Variants in STAU2 observed in about 807,000 individuals in gnomAD.
STAU2 encodes the protein staufen double-stranded RNA binding protein 2, also known as double-stranded RNA-binding protein Staufen homolog 2.
Under a neutral mutation model 65.9 loss-of-function variants are expected in STAU2, and 20 were observed. The observed-to-expected ratio is 0.30, with a 90% CI of 0.21 to 0.44. The LOEUF (loss-of-function observed/expected upper bound fraction) is 0.44. Among genes scored for constraint, STAU2 ranks in the 20% least tolerant of loss-of-function variants. The probability of loss-of-function intolerance (pLI) is 1.00; values close to 1 mark genes in which losing one functional copy is unlikely to be tolerated. For synonymous variants in STAU2, 232 were observed against 233.9 expected (o/e 0.99, Z 0.07); for missense variants, 558 against 683.9 (o/e 0.82, Z 2.05).
chr8:73,571,686 T>A (rs1397335168), intron 12 of STAU2, among the ~76,000 whole-genome samples: 2 of 152,198 alleles, frequency 1.3e-5, no homozygotes, highest in Non-Finnish European at 2.9e-5. Context: ...ATAAAGATGT[T>A]CTTTGAAACC....
intron 6 of STAU2, among the ~76,000 whole-genome samples, chr8:73,659,384 A>G (rs960069450): frequency 6.6e-6 from 1 of 152,098 alleles, no homozygotes; most frequent in Admixed American, 6.5e-5. Flanking sequence ...CTAAAAACAC[A>G]AAATTAGCCT....
At chr8:73,682,155 C>T (rs535429617) in intron 5 of STAU2, among the ~76,000 whole-genome samples, 2 of 152,208 alleles carry the variant, frequency 1.3e-5, no homozygotes, top group South Asian at 4.1e-4. Context: ...GAACATTCTA[C>T]CCAACAACTG....
chr8:73,687,365 TA>T (rs1331976193), intron 5 of STAU2, among the ~76,000 whole-genome samples: 3 of 13,048 alleles, frequency 2.3e-4, no homozygotes, highest in East Asian at 0.021. Flanking sequence ...ATAATATAAA[TA>T]TAATTTATAA....
At chr8:73,665,529 T>G (rs150222301) in intron 6 of STAU2, among the ~76,000 whole-genome samples, 1 of 152,188 alleles carries the variant, frequency 6.6e-6, no homozygotes, top group African/African-American at 2.4e-5. Context: ...ACTGACATAT[T>G]TGTAGGTCAA....
chr8:73,603,444 G>A (rs1811784350), intron 10 of STAU2, among the ~76,000 whole-genome samples: 1 of 152,148 alleles, frequency 6.6e-6, no homozygotes, highest in Non-Finnish European at 1.5e-5. Context: ...GCTACAAAAT[G>A]TAACACAAAA....
At chr8:73,652,028 G>A (rs545925067) in intron 6 of STAU2, among the ~76,000 whole-genome samples, 3 of 152,350 alleles carry the variant, frequency 2.0e-5, no homozygotes, top group South Asian at 4.1e-4. Context: ...AAACGCAGAA[G>A]TGGGCTTGTT....
chr8:73,548,919 T>C (rs1040313111), intron 13 of STAU2, among the ~76,000 whole-genome samples: 2 of 152,186 alleles, frequency 1.3e-5, no homozygotes, highest in Admixed American at 6.5e-5. Context: ...ACCACTTATA[T>C]TTATAGATTT....
At chr8:73,680,769 A>C (rs1353815746) in intron 5 of STAU2, among the ~76,000 whole-genome samples, 1 of 152,028 alleles carries the variant, frequency 6.6e-6, no homozygotes, top group Admixed American at 6.6e-5. Context: ...ATAAATAAAA[A>C]AGAGTCACAA....
intron 4 of STAU2, among the ~76,000 whole-genome samples, chr8:73,697,746 T>C (rs569353137): frequency 6.6e-6 from 1 of 152,334 alleles, no homozygotes; most frequent in Non-Finnish European, 1.5e-5. Flanking sequence ...GTTTCTGCAA[T>C]TGTGTTAAGC....
rs763962872 is a variant in STAU2, at chr8:73,688,813, T to C, written c.115A>G (p.Met39Val). ...LNERGPAHSK[M>V]FSVQLSLGEQ... ...CCAAGACTCAGCTGCACTGAGAACA[T>C]CTTAGAAAAACATAAATAGACAAAG... is the stretch of plus-strand genomic sequence containing the variant. The change falls in exon 5 of 15, where the codon ATG (methionine) becomes GTG (valine). Residue 39 changes from methionine (M) to valine (V), a missense_variant and splice_region_variant. Coordinates refer to ENST00000524300, the MANE Select transcript of STAU2 (RefSeq NM_001164380.2). 1 of 1,612,328 alleles carries C rather than the reference T, an allele frequency of 6.2e-7. No homozygotes were observed. Among genetic ancestry groups the C allele is most frequent in the Non-Finnish European group, 8.5e-7 (1 of 1,179,268 alleles).
chr8:73,608,459 T>TA (rs1393517086), intron 9 of STAU2, among the ~76,000 whole-genome samples: 1 of 150,832 alleles, frequency 6.6e-6, no homozygotes, highest in Non-Finnish European at 1.5e-5. Context: ...AAACAAAAAT[T>TA]AGCCACGCGT....
intron 6 of STAU2, among the ~76,000 whole-genome samples, chr8:73,642,063 G>A (rs977698107): frequency 2.0e-5 from 3 of 152,186 alleles, no homozygotes; most frequent in South Asian, 2.1e-4. Context: ...AACCATCCTA[G>A]TTTCTTCAAC....
intron 13 of STAU2, among the ~76,000 whole-genome samples, chr8:73,425,041 G>A (rs1203756414): frequency 6.6e-6 from 1 of 152,170 alleles, no homozygotes; most frequent in Non-Finnish European, 1.5e-5. Context: ...AGCCAGGTGG[G>A]TTTTGATGGG....
At chr8:73,461,855 G>A (rs181942618) in intron 13 of STAU2, among the ~76,000 whole-genome samples, 7 of 152,232 alleles carry the variant, frequency 4.6e-5, no homozygotes, top group Admixed American at 4.6e-4. Flanking sequence ...GCCCAGCCGT[G>A]TGGCCACACC....
Position 73,665,820 on chromosome 8 carries a change from G to T in STAU2, c.410+7287C>A, listed in dbSNP as rs562450378. ...GCTGCTCAAGCCCCTGATATAAAAT[G>T]CTCAAGTCCCTGATATAAAATATTA... On this transcript the variant is annotated intron_variant, in intron 6 of 14. Transcript: ENST00000524300. Among the ~76,000 whole-genome samples the T allele has an allele frequency of 2.0e-5, 3 of 152,076 alleles. No homozygotes were observed. The East Asian group carries it at 5.8e-4, about 29-fold the overall frequency.
chr8:73,596,120 A>AC (rs1811168131), intron 10 of STAU2, among the ~76,000 whole-genome samples: 1 of 152,096 alleles, frequency 6.6e-6, no homozygotes, highest in African/African-American at 2.4e-5. Context: ...CTTTAAAAAA[A>AC]AAAAAAAAGG....
chr8:73,690,103 C>A (rs914218347), intron 4 of STAU2, among the ~76,000 whole-genome samples: 1 of 151,554 alleles, frequency 6.6e-6, no homozygotes, highest in Admixed American at 6.6e-5. Context: ...CTGAGATGGG[C>A]GGATCACAAG....
chr8:73,625,070 A>AC (rs1340635637), intron 6 of STAU2, among the ~76,000 whole-genome samples: 1 of 152,204 alleles, frequency 6.6e-6, no homozygotes, highest in East Asian at 1.9e-4. Flanking sequence ...TAAAAAAAAA[A>AC]AGTCATAAAG....
intron 12 of STAU2, among the ~76,000 whole-genome samples, chr8:73,556,034 GAT>G (rs1187774214): frequency 6.6e-6 from 1 of 152,078 alleles, no homozygotes; most frequent in African/African-American, 2.4e-5. Context: ...TTGCTTTAAA[GAT>G]ATGTTTTTAA....
Sources: allele counts gnomAD v4.1 joint callset (sites outside exome capture counted in the v4.1 genomes callset), GRCh38; gene constraint gnomAD v4.1.1; transcripts MANE v1.5; gene names NCBI Gene and HGNC (gene_info 2026-07-23, HGNC 2026-07-21).